Variants in TUBGCP6 observed in about 807,000 individuals in gnomAD.
TUBGCP6 encodes tubulin gamma complex component 6, also known as gamma-tubulin complex component 6.
A neutral mutation model predicts 175.8 loss-of-function variants in TUBGCP6; 161 were observed. That is an observed-to-expected ratio of 0.92 (90% CI 0.81 to 1.04). The LOEUF is 1.04. TUBGCP6 is among the 50% of genes least tolerant of loss of function. The pLI, the probability that TUBGCP6 is intolerant of heterozygous loss-of-function variation, is 0.00. For synonymous variants in TUBGCP6, 1,173 were observed against 1,030.5 expected (o/e 1.14, Z -2.65); for missense variants, 2,572 against 2,433.0 (o/e 1.06, Z -1.20).
rs760241117 is a variant in TUBGCP6 at position 50,226,830 on chromosome 22, G to A, written c.1504C>T (p.Leu502=). 4 of 1,579,924 alleles carry A rather than the reference G, an allele frequency of 2.5e-6. No individual in the cohort carries two copies. The African/African-American group carries it at 5.4e-5, about 21-fold the overall frequency. The part of the protein sequence containing the change: ...RAAFPTGVKL[L]SYLYQEALHN... The stretch of plus-strand genomic sequence containing the variant: ...AGAGCCTCCTGGTAGAGGTAGGACA[G>A]CAGCTTCACGCCCTGCAGACCGCAA... Residue 502 remains leucine (L), a synonymous_variant, in exon 7 of 25, where the codon CTG becomes TTG. Coordinates refer to ENST00000248846, the MANE Select transcript of TUBGCP6 (RefSeq NM_020461.4).
At chr22:50,224,936 A>T (rs1424565516) in intron 10 of TUBGCP6, among the ~76,000 whole-genome samples, 1 of 152,000 alleles carries the variant, frequency 6.6e-6, no homozygotes, top group Admixed American at 6.5e-5. Context: ...AAAAAAAAGC[A>T]ACCTAATCCT....
Position 50,224,413 on chromosome 22 carries a change from C to T in TUBGCP6, c.2073G>A (p.Gln691=), listed in dbSNP as rs900830997. ...CATCCAAGGCCATCCGTTCTGACAT[C>T]TGCCGGTCTACATTGGGACAGTAAG... ...SRVLSALSDR[Q]MSERMALDAR... The change falls in exon 12 of 25, where the codon CAG becomes CAA. Residue 691 remains glutamine, a synonymous_variant. Coordinates refer to ENST00000248846, the MANE Select transcript of TUBGCP6 (RefSeq NM_020461.4). 2.6e-5 allele frequency: 42 copies of T among 1,614,086 alleles called. No homozygotes were observed. The highest frequency in any genetic ancestry group is 3.6e-5 in the Non-Finnish European group (42 of 1,180,048).
Position 50,225,812 on chromosome 22 carries a change from A to T in TUBGCP6, c.1965T>A (p.Ser655=), listed in dbSNP as rs745676595. 3.7e-6 allele frequency: 6 copies of T among 1,613,308 alleles called. No homozygotes were observed. Among genetic ancestry groups the T allele is most frequent in the South Asian group, 2.2e-5 (2 of 91,056 alleles). ...CACGCACCTTCTCCTCCTTGCTGAC[A>T]GAGCTGTGGCGGGCCACCCTCTCCA... is the stretch of plus-strand genomic sequence containing the variant. ...GRMERVARHS[S]VSKEEKELRM... Residue 655 remains serine (S), a synonymous_variant, in exon 10 of 25, where the codon TCT becomes TCA. Coordinates refer to ENST00000248846, the MANE Select transcript of TUBGCP6 (RefSeq NM_020461.4).
rs774598438 is a variant in TUBGCP6 at position 50,220,029 on chromosome 22, A to G, written c.4109-14T>C. ...TCCTCCCAGGGCCTGTGTGGACACA[A>G]GTGGACACGAGGGCATCAGGGCCGA... On this transcript the variant is annotated splice_polypyrimidine_tract_variant and intron_variant, in intron 16 of 24. Transcript: ENST00000248846. 2.5e-6 allele frequency: 4 copies of G among 1,612,720 alleles called. No homozygotes were observed. The highest frequency in any genetic ancestry group is 3.4e-6 in the Non-Finnish European group (4 of 1,179,256).
intron 4 of TUBGCP6, among the ~76,000 whole-genome samples, chr22:50,228,330 G>A (rs1017285396): frequency 1.2e-4 from 4 of 32,176 alleles, no homozygotes; most frequent in African/African-American, 2.7e-4. Flanking sequence ...CCCCAGGGGC[G>A]CCCACCACCA....
At chr22:50,242,944 G>T (rs1361542066) in intron 1 of TUBGCP6, among the ~76,000 whole-genome samples, 1 of 152,170 alleles carries the variant, frequency 6.6e-6, no homozygotes, top group Admixed American at 6.5e-5. Context: ...GAGGGTGGCC[G>T]CCAGTAAGCC....
chr22:50,242,905 G>T (rs17836669), intron 1 of TUBGCP6, among the ~76,000 whole-genome samples: 6 of 152,178 alleles, frequency 3.9e-5, no homozygotes, highest in Non-Finnish European at 8.8e-5. Context: ...TGCTTTGGCC[G>T]GCAGGTGGGC....
rs1471053802 is a variant in TUBGCP6 at position 50,243,599 on chromosome 22, CAG to C, written c.741+118_741+119del. The C allele has an allele frequency of 3.0e-6, 3 of 1,015,948 alleles. No homozygotes were observed. In the African/African-American group the frequency reaches 6.5e-5, roughly 22 times the overall value. 62.9% of individuals were successfully genotyped at this position (1,015,948 alleles called of 1,614,324 possible). On this transcript the variant is annotated intron_variant, in intron 1 of 24. Coordinates refer to ENST00000248846, the MANE Select transcript of TUBGCP6 (RefSeq NM_020461.4). Reference sequence around the variant, plus strand: ...CGCCACTGCACTCCAGCCTGGGTGACAGAGTGAGACACTGTCTCAAAAAAAAA... The same window carrying C: ...CGCCACTGCACTCCAGCCTGGGTGACAGTGAGACACTGTCTCAAAAAAAAA...
rs55985560 is a variant in TUBGCP6, at chr22:50,218,689, G to C, written c.4821+14C>G. On this transcript the variant is annotated intron_variant, in intron 21 of 24. Transcript: ENST00000248846. ...GCCCCTGTCCCATCCCCCGCGGCCA[G>C]GGCTGCTGCTGACCTTGTACCTGAG... 2.5e-6 allele frequency: 4 copies of C among 1,613,336 alleles called. No homozygotes were observed. The highest frequency in any genetic ancestry group is 3.4e-6 in the Non-Finnish European group (4 of 1,179,736).
chr22:50,225,258 C>T (rs2064588514), intron 10 of TUBGCP6, among the ~76,000 whole-genome samples: 2 of 152,174 alleles, frequency 1.3e-5, no homozygotes, highest in African/African-American at 4.8e-5. Flanking sequence ...CCAAGTATCC[C>T]TGCTGCCCAC....
In TUBGCP6 at chr22:50,224,548, G is replaced by C; in HGVS notation, c.2028C>G (p.Ala676=). ...TCAGGACCCTGGATGCTGCTTCCCG[G>C]GCATGAGCGATTAATTCTTGTTTTG... is the stretch of plus-strand genomic sequence containing the variant. ...EIAKQELIAH[A]REAASRVLSA... The change falls in exon 11 of 25, where the codon GCC becomes GCG. Residue 676 remains alanine, a synonymous_variant. Transcript: ENST00000248846. 1 of 1,614,124 alleles carries C rather than the reference G, an allele frequency of 6.2e-7. No homozygotes were observed. Among genetic ancestry groups the C allele is most frequent in the Non-Finnish European group, 8.5e-7 (1 of 1,180,030 alleles).
chr22:50,233,373 C>G lies in TUBGCP6; in HGVS notation c.1059G>C (p.Val353=), dbSNP rs774532538. 6.2e-7 allele frequency: 1 copy of G among 1,614,050 alleles called. No individual in the cohort carries two copies. The highest frequency in any genetic ancestry group is 1.1e-5 in the South Asian group (1 of 91,074). The change falls in exon 3 of 25, where the codon GTG becomes GTC. Residue 353 remains valine, a synonymous_variant. Coordinates refer to ENST00000248846, the MANE Select transcript of TUBGCP6 (RefSeq NM_020461.4). ...CAATCAAGACGTTCAGCACGTCTTT[C>G]ACCAGCTCGCACTCCTTCACCAGCA... ...QPVLVKECEL[V]KDVLNVLIGV...
Position 50,219,473 on chromosome 22 carries a change from ACGCACGTGCTGGGAAC to A in TUBGCP6, c.4316-33_4316-18del. 3.8e-6 allele frequency: 6 copies of A among 1,590,334 alleles called. 1 individual carries two copies. The South Asian group carries it at 6.8e-5, about 18-fold the overall frequency. Reference sequence around the variant, plus strand: ...GCGGCTCGGCTGCGGGAGATGGAGCACGCACGTGCTGGGAACCGGCCAGCCCAGGGCTCCGCCCCCA... The same window carrying A: ...GCGGCTCGGCTGCGGGAGATGGAGCACGGCCAGCCCAGGGCTCCGCCCCCA... On this transcript the variant is annotated intron_variant, in intron 18 of 24. Coordinates refer to ENST00000248846, the MANE Select transcript of TUBGCP6 (RefSeq NM_020461.4).
At position 50,218,404 on chromosome 22, in the gene TUBGCP6, TGGCGGAGGGCAGAAGGCAGAG is replaced by T; in HGVS notation, c.4955-23_4955-3del. On this transcript the variant is annotated splice_region_variant and splice_polypyrimidine_tract_variant and intron_variant, in intron 22 of 24. Transcript: ENST00000248846. ...AGCCGGCCATGTGGCTCAGCAGGGCTGGCGGAGGGCAGAAGGCAGAGGGCAGAGGTGAGCGCAGCCTCCAGC... is the reference window on the plus strand; with the variant it reads ...AGCCGGCCATGTGGCTCAGCAGGGCTGGCAGAGGTGAGCGCAGCCTCCAGC... 6.2e-7 allele frequency: 1 copy of T among 1,612,932 alleles called. No homozygotes were observed.
Position 50,244,911 on chromosome 22 carries a change from G to C in TUBGCP6, c.-452C>G. 4.8e-6 allele frequency: 1 copy of C among 208,298 alleles called. No individual in the cohort carries two copies. Among genetic ancestry groups the C allele is most frequent in the South Asian group, 7.4e-5 (1 of 13,558 alleles). 12.9% of individuals were successfully genotyped at this position (208,298 alleles called of 1,614,324 possible). On this transcript the variant is annotated 5_prime_UTR_variant, in exon 1 of 25. Coordinates refer to ENST00000248846, the MANE Select transcript of TUBGCP6 (RefSeq NM_020461.4). The stretch of plus-strand genomic sequence containing the variant: ...AGCGGAGAGTCTGGGGGCTCAGCCG[G>C]GTGGGTCCCGGGTTCTGGCCTGCAC...
chr22:50,242,570 A>G lies in TUBGCP6; in HGVS notation c.741+1149T>C, dbSNP rs915492893. 2.6e-5 allele frequency among the ~76,000 whole-genome samples: 4 copies of G among 152,252 alleles called. No homozygotes were observed. The East Asian group carries it at 7.7e-4, about 29-fold the overall frequency. On this transcript the variant is annotated intron_variant, in intron 1 of 24. Transcript: ENST00000248846. Reference sequence around the variant, plus strand: ...ATGTATGTTTCTAAATCATCTAGCTATCGCATAAGAATAGAACGACTAGTA... The same window carrying G: ...ATGTATGTTTCTAAATCATCTAGCTGTCGCATAAGAATAGAACGACTAGTA...
At chr22:50,234,500 C>T (rs1181723707) in intron 2 of TUBGCP6, among the ~76,000 whole-genome samples, 3 of 149,326 alleles carry the variant, frequency 2.0e-5, no homozygotes, top group Non-Finnish European at 4.5e-5. Flanking sequence ...GCAGCATCCA[C>T]ACCCCTGTCC....
chr22:50,223,608 G>C (rs5771243), intron 13 of TUBGCP6: 15 of 153,578 alleles, frequency 9.8e-5, no homozygotes, highest in African/African-American at 3.4e-4. Context: ...GTTAAACCCC[G>C]TCTGTACTAA....
At position 50,225,813 on chromosome 22, in the gene TUBGCP6, G is replaced by A. The variant is rs1258279357; in HGVS notation, c.1964C>T (p.Ser655Phe). 2 of 1,613,328 alleles carry A rather than the reference G, an allele frequency of 1.2e-6. No individual in the cohort carries two copies. Among genetic ancestry groups the A allele is most frequent in the Non-Finnish European group, 1.7e-6 (2 of 1,179,644 alleles). The change falls in exon 10 of 25, where the codon TCT (serine) becomes TTT (phenylalanine). Residue 655 changes from serine (S) to phenylalanine (F), a missense_variant. Transcript: ENST00000248846. Reference sequence around the variant, plus strand: ...ACGCACCTTCTCCTCCTTGCTGACAGAGCTGTGGCGGGCCACCCTCTCCAT... The same window carrying A: ...ACGCACCTTCTCCTCCTTGCTGACAAAGCTGTGGCGGGCCACCCTCTCCAT... Reference protein sequence around the residue: ...GRMERVARHSSVSKEEKELRM... With the variant: ...GRMERVARHSFVSKEEKELRM...
Sources: allele counts gnomAD v4.1 joint callset (sites outside exome capture counted in the v4.1 genomes callset), GRCh38; gene constraint gnomAD v4.1.1; transcripts MANE v1.5; gene names NCBI Gene and HGNC (gene_info 2026-07-23, HGNC 2026-07-21).